The following OXR1 variants were observed in gnomAD, a reference collection of about 807,000 sequenced individuals.
OXR1 encodes the protein oxidation resistance 1, also known as oxidation resistance protein 1.
OXR1 carries 41 observed loss-of-function variants against 104.6 expected under a neutral mutation model. That is an observed-to-expected ratio of 0.39 (90% CI 0.31 to 0.51). OXR1 has a LOEUF of 0.51. OXR1 is among the 20% of genes least tolerant of loss of function. OXR1 has a pLI of 0.77. For missense variants in OXR1, 955 were observed against 1,031.9 expected (o/e 0.93, Z 1.02); for synonymous variants, 348 against 348.4 (o/e 1.00, Z 0.01).
At chr8:106,282,412 A>C (rs990420467) in intron 1 of OXR1, among the ~76,000 whole-genome samples, 14 of 152,184 alleles carry the variant, frequency 9.2e-5, no homozygotes, top group African/African-American at 3.1e-4. Flanking sequence ...TTTTTATTTC[A>C]AGTATAGTTG....
At chr8:106,672,172 A>G (rs1227275439) in intron 3 of OXR1, among the ~76,000 whole-genome samples, 1 of 151,856 alleles carries the variant, frequency 6.6e-6, no homozygotes, top group African/African-American at 2.4e-5. Flanking sequence ...GAACAGGTAG[A>G]CAGATAGAAA....
intron 1 of OXR1, among the ~76,000 whole-genome samples, chr8:106,292,421 A>G (rs1812791684): frequency 6.6e-6 from 1 of 152,184 alleles, no homozygotes; most frequent in Admixed American, 6.5e-5. Context: ...TTGCACCTCA[A>G]AACTGCAAAA....
At chr8:106,585,607 C>T (rs1281877468) in intron 3 of OXR1, among the ~76,000 whole-genome samples, 2 of 152,052 alleles carry the variant, frequency 1.3e-5, no homozygotes, top group Non-Finnish European at 2.9e-5. Context: ...GAATGTAGGG[C>T]ATGAGTAAAT....
At chr8:106,357,399 T>C (rs569210824) in intron 1 of OXR1, among the ~76,000 whole-genome samples, 8 of 152,292 alleles carry the variant, frequency 5.3e-5, no homozygotes, top group African/African-American at 1.9e-4. Context: ...TCTTTTGGAA[T>C]GTAAACAGAC....
At chr8:106,331,403 CACTT>C (rs1216475272) in intron 1 of OXR1, among the ~76,000 whole-genome samples, 2 of 152,118 alleles carry the variant, frequency 1.3e-5, no homozygotes, top group African/African-American at 4.8e-5. Context: ...GTCATTGAAA[CACTT>C]ACAAAAATAC....
chr8:106,458,116 A>G (rs577170864), intron 2 of OXR1, among the ~76,000 whole-genome samples: 2 of 152,310 alleles, frequency 1.3e-5, no homozygotes, highest in African/African-American at 2.4e-5. Context: ...AGAGATTAAT[A>G]TGGATAGAAG....
At chr8:106,741,927 G>A (rs987572916) in intron 14 of OXR1, among the ~76,000 whole-genome samples, 3 of 151,966 alleles carry the variant, frequency 2.0e-5, no homozygotes, top group South Asian at 2.1e-4. Context: ...CATATAAGTC[G>A]TCCTGAAATG....
chr8:106,584,228 G>A (rs1297059712), intron 3 of OXR1, among the ~76,000 whole-genome samples: 1 of 151,280 alleles, frequency 6.6e-6, no homozygotes, highest in Non-Finnish European at 1.5e-5. Context: ...AAATAATAGA[G>A]AAAAAGTAGA....
At chr8:106,638,366 A>T (rs1237314346) in intron 3 of OXR1, among the ~76,000 whole-genome samples, 1 of 152,070 alleles carries the variant, frequency 6.6e-6, no homozygotes, top group Non-Finnish European at 1.5e-5. Context: ...CCTCCTTTTG[A>T]TACTTACGCA....
intron 2 of OXR1, among the ~76,000 whole-genome samples, chr8:106,470,654 A>G (rs1821440821): frequency 6.6e-6 from 1 of 151,808 alleles, no homozygotes; most frequent in Admixed American, 6.6e-5. Context: ...ATTTAAAGCC[A>G]TGGCTTCACT....
intron 3 of OXR1, among the ~76,000 whole-genome samples, chr8:106,577,209 T>A (rs577525269): frequency 1.3e-5 from 2 of 150,414 alleles, no homozygotes; most frequent in South Asian, 4.2e-4. Context: ...TTGTTTTGTT[T>A]TGTTTTTTGT....
At chr8:106,609,177 G>C (rs1416489838) in intron 3 of OXR1, among the ~76,000 whole-genome samples, 3 of 152,092 alleles carry the variant, frequency 2.0e-5, no homozygotes, top group African/African-American at 7.2e-5. Context: ...GAGAGGCTGA[G>C]GGGAGAGGAT....
intron 3 of OXR1, among the ~76,000 whole-genome samples, chr8:106,656,818 A>T (rs2131051714): frequency 6.9e-6 from 1 of 145,856 alleles, no homozygotes; most frequent in South Asian, 2.2e-4. Context: ...TCTGTCAACC[A>T]GTTAAAAAAA....
intron 1 of OXR1, among the ~76,000 whole-genome samples, chr8:106,354,063 ATTTC>A (rs1815854395): frequency 6.7e-6 from 1 of 150,278 alleles, no homozygotes; most frequent in South Asian, 2.1e-4. Flanking sequence ...AAATGACAGA[ATTTC>A]TTTCTTTTGA....
At chr8:106,512,847 G>A (rs1812627383) in intron 2 of OXR1, among the ~76,000 whole-genome samples, 1 of 152,036 alleles carries the variant, frequency 6.6e-6, no homozygotes, top group Non-Finnish European at 1.5e-5. Context: ...TGGTTTATAA[G>A]GGCTAAAAGT....
chr8:106,379,763 G>A (rs993094750), intron 2 of OXR1, among the ~76,000 whole-genome samples: 3 of 151,794 alleles, frequency 2.0e-5, no homozygotes, highest in East Asian at 1.9e-4. Context: ...GGGTGGTCTC[G>A]AACTCCTGGC....
At chr8:106,664,945 A>C (rs1157734960) in intron 3 of OXR1, among the ~76,000 whole-genome samples, 1 of 152,244 alleles carries the variant, frequency 6.6e-6, no homozygotes, top group Admixed American at 6.5e-5. Context: ...GATGTAAACA[A>C]GAGTTAGGTT....
intron 3 of OXR1, 23 bp downstream of exon 3, chr8:106,519,162 A>G (rs1813076833): frequency 6.7e-7 from 1 of 1,492,742 alleles, no homozygotes; most frequent in Admixed American, 2.0e-5. Context: ...TGTTTTATGC[A>G]AGTGAATAGA....
At position 106,288,567 on chromosome 8, in the gene OXR1, ATG is replaced by A. The variant is rs1491460234; in HGVS notation, c.-139+18201_-139+18202del. Among the ~76,000 whole-genome samples the A allele has an allele frequency of 1.0e-4, 15 of 145,062 alleles. No homozygotes were observed. In the South Asian group the frequency reaches 2.1e-3, roughly 20 times the overall value. The stretch of plus-strand genomic sequence containing the variant: ...GTATATATATATAGTGTGTATATAT[ATG>A]GTGTGTATATGTATATACACACCAT... On this transcript the variant is annotated intron_variant, in intron 1 of 16. Transcript: ENST00000517566.
Sources: gnomAD v4.1 joint callset for allele counts (sites outside exome capture counted in the v4.1 genomes callset) on GRCh38, gnomAD v4.1.1 for gene constraint, MANE v1.5 for transcripts, NCBI Gene and HGNC (gene_info 2026-07-23, HGNC 2026-07-21) for gene names.